The following DESI1 variants were observed in gnomAD, a reference collection of about 807,000 sequenced individuals.
DESI1 encodes desumoylating isopeptidase 1, also known as PPPDE peptidase domain containing 2.
In DESI1, 17 loss-of-function variants were observed where a neutral mutation model predicts 22.4. That is an observed-to-expected ratio of 0.76 (90% CI 0.52 to 1.14). The LOEUF is 1.14. DESI1 is among the 50% of genes most tolerant of loss of function. DESI1 has a pLI of 0.00. For synonymous variants in DESI1, 92 were observed against 84.2 expected (o/e 1.09, Z -0.51); for missense variants, 177 against 208.9 (o/e 0.85, Z 0.94).
intron 3 of DESI1, 61 bp downstream of exon 3, chr22:41,607,201 G>A (rs2067488083): frequency 2.1e-6 from 3 of 1,460,928 alleles, no homozygotes; most frequent in Non-Finnish European, 2.8e-6. Flanking sequence ...CAAAGCTCCT[G>A]GTCTACAGGA....
chr22:41,602,724 C>A, intron 5 of DESI1: 1 of 989,150 alleles, frequency 1.0e-6, no homozygotes, highest in South Asian at 4.6e-5. Context: ...AGGCTTGGGG[C>A]ACATCAGGAC....
intron 1 of DESI1, among the ~76,000 whole-genome samples, chr22:41,613,948 T>C (rs1400676606): frequency 2.0e-5 from 3 of 152,212 alleles, no homozygotes; most frequent in Non-Finnish European, 4.4e-5. Context: ...CCACACTTCC[T>C]ATTCAACTGC....
intron 1 of DESI1, among the ~76,000 whole-genome samples, chr22:41,611,647 C>T (rs906911618): frequency 3.6e-5 from 5 of 138,030 alleles, no homozygotes; most frequent in South Asian, 2.3e-4. Context: ...GGCTGGAGTA[C>T]GATGGTGTGA....
chr22:41,603,042 C>T (rs1386837392), intron 5 of DESI1: 1 of 733,738 alleles, frequency 1.4e-6, no homozygotes, highest in Non-Finnish European at 2.1e-6. Flanking sequence ...TGTGGTTGCA[C>T]TTAGGCCAGG....
chr22:41,604,927 A>C (rs2147039483), intron 3 of DESI1, among the ~76,000 whole-genome samples: 1 of 151,192 alleles, frequency 6.6e-6, no homozygotes, highest in Non-Finnish European at 1.5e-5. Context: ...TTGTTTCTAG[A>C]GGGGAGGGGG....
Position 41,601,095 on chromosome 22 carries a change from T to C in DESI1, c.*2A>G. 1 of 1,612,878 alleles carries C rather than the reference T, an allele frequency of 6.2e-7. No individual in the cohort carries two copies. Among genetic ancestry groups the C allele is most frequent in the Non-Finnish European group, 8.5e-7 (1 of 1,179,470 alleles). Reference sequence around the variant, plus strand: ...GAGGCAGGGCGGTCCCAGGCAGTCCTGTTAGCTCTGGCCGTTGGGTCTGCC... The same window carrying C: ...GAGGCAGGGCGGTCCCAGGCAGTCCCGTTAGCTCTGGCCGTTGGGTCTGCC... On this transcript the variant is annotated 3_prime_UTR_variant, in exon 6 of 6. Coordinates refer to ENST00000263256, the MANE Select transcript of DESI1 (RefSeq NM_015704.3).
chr22:41,615,423 CAAA>C (rs909976942), intron 1 of DESI1, among the ~76,000 whole-genome samples: 2 of 141,210 alleles, frequency 1.4e-5, no homozygotes. Flanking sequence ...GACTCTGTCT[CAAA>C]AAAAAAAAGA....
intron 1 of DESI1, among the ~76,000 whole-genome samples, chr22:41,614,832 G>A (rs1262859034): frequency 1.3e-5 from 2 of 150,344 alleles, no homozygotes; most frequent in Non-Finnish European, 3.0e-5. Flanking sequence ...TGATCCACCC[G>A]CCTTGGCCTC....
intron 5 of DESI1, 75 bp from the exon 6 acceptor site, chr22:41,601,265 G>A (rs1400265784): frequency 1.1e-5 from 16 of 1,399,938 alleles, no homozygotes; most frequent in East Asian, 5.2e-5. Context: ...TGCTGCCCAC[G>A]GGTAGGGAGG....
intron 1 of DESI1, among the ~76,000 whole-genome samples, chr22:41,609,973 G>A (rs560314287): frequency 4.9e-4 from 74 of 151,004 alleles, no homozygotes; most frequent in African/African-American, 1.5e-3. Context: ...CCAGCTACTC[G>A]GGAGGCTGAG....
chr22:41,610,565 G>T (rs1406190707), intron 1 of DESI1, among the ~76,000 whole-genome samples: 1 of 152,144 alleles, frequency 6.6e-6, no homozygotes, highest in Admixed American at 6.6e-5. Flanking sequence ...TTCTGCCTCT[G>T]TTCCAATTCC....
chr22:41,615,651 A>T (rs2067546518), intron 1 of DESI1, among the ~76,000 whole-genome samples: 1 of 152,238 alleles, frequency 6.6e-6, no homozygotes, highest in South Asian at 2.1e-4. Flanking sequence ...TTCAAGCTTA[A>T]GTTCAAGTCT....
chr22:41,606,001 A>G (rs1246465860), intron 3 of DESI1, among the ~76,000 whole-genome samples: 1 of 152,074 alleles, frequency 6.6e-6, no homozygotes, highest in East Asian at 1.9e-4. Context: ...GAAGAGAGTG[A>G]GGGTTGGGAG....
At chr22:41,609,225 A>G (rs2067501568) in intron 1 of DESI1, among the ~76,000 whole-genome samples, 1 of 152,154 alleles carries the variant, frequency 6.6e-6, no homozygotes, top group Admixed American at 6.5e-5. Flanking sequence ...TACAGGCATG[A>G]GCCACCACAC....
At chr22:41,620,676 G>T in intron 1 of DESI1, 76 bp downstream of exon 1, 2 of 1,424,924 alleles carry the variant, frequency 1.4e-6, no homozygotes, top group Non-Finnish European at 1.9e-6. Context: ...CGTGGCCCAA[G>T]TCTCCCCACC....
intron 3 of DESI1, among the ~76,000 whole-genome samples, chr22:41,604,655 T>C (rs1350161725): frequency 1.3e-5 from 2 of 152,004 alleles, no homozygotes; most frequent in East Asian, 1.9e-4. Flanking sequence ...TCCTTTGGCT[T>C]CCCTGAGGCA....
intron 3 of DESI1, among the ~76,000 whole-genome samples, chr22:41,604,800 C>T (rs180806743): frequency 1.3e-5 from 2 of 152,130 alleles, no homozygotes; most frequent in Non-Finnish European, 1.5e-5. Context: ...AGGCCACTTT[C>T]AAAGCTGTCC....
chr22:41,618,854 G>A (rs1470743412), intron 1 of DESI1, among the ~76,000 whole-genome samples: 1 of 152,200 alleles, frequency 6.6e-6, no homozygotes, highest in Non-Finnish European at 1.5e-5. Context: ...CACAAGGTGA[G>A]GAGATCGAGA....
At chr22:41,607,059 G>T (rs112696712) in intron 3 of DESI1, among the ~76,000 whole-genome samples, 1,835 of 152,248 alleles carry the variant, frequency 0.012, 43 homozygotes, top group African/African-American at 0.042. Flanking sequence ...CATGCTCTCT[G>T]TGAGACAGAA....
Sources: allele counts gnomAD v4.1 joint callset (sites outside exome capture counted in the v4.1 genomes callset), GRCh38; gene constraint gnomAD v4.1.1; transcripts MANE v1.5; gene names NCBI Gene and HGNC (gene_info 2026-07-23, HGNC 2026-07-21).